Variants in CHAF1A observed in about 807,000 individuals in gnomAD.
CHAF1A encodes CAF-1 subunit A.
A neutral mutation model predicts 93.2 loss-of-function variants in CHAF1A; 5 were observed. The ratio of observed to expected loss-of-function variants is 0.05; its 90% CI spans 0.03 to 0.11. The LOEUF (loss-of-function observed/expected upper bound fraction) is 0.11. Among genes scored for constraint, CHAF1A ranks in the 10% least tolerant of loss-of-function variants. The pLI, the probability that CHAF1A is intolerant of heterozygous loss-of-function variation, is 1.00. For synonymous variants in CHAF1A, 504 were observed against 510.3 expected (o/e 0.99, Z 0.17); for missense variants, 1,102 against 1,259.9 (o/e 0.87, Z 1.90).
downstream of CHAF1A, chr19:4,445,584 CAGCCATGTCCCACGAGA>C (rs1974491778): frequency 3.1e-6 from 5 of 1,613,752 alleles, no homozygotes; most frequent in Non-Finnish European, 4.2e-6. Context: ...TCCTCCAGCA[CAGCCATGTCCCACGAGA>C]AGGTCAGGAG....
At chr19:4,448,414 T>C, downstream of CHAF1A, 1 of 1,604,994 alleles carries the variant, frequency 6.2e-7, no homozygotes, top group Non-Finnish European at 8.5e-7. Context: ...GGTGGAGAAG[T>C]GCTGGGAGGA....
intron 6 of CHAF1A, 73 bp from the exon 7 acceptor site, chr19:4,423,733 C>T (rs1974031314): frequency 2.1e-6 from 3 of 1,416,364 alleles, no homozygotes; most frequent in South Asian, 1.2e-5. Context: ...GTTCTGGGGG[C>T]CTTTGCATGT....
At chr19:4,448,099 C>T, downstream of CHAF1A, 1 of 588,298 alleles carries the variant, frequency 1.7e-6, no homozygotes, top group Admixed American at 3.0e-5. Context: ...ACCCCTGATT[C>T]CTTCAACACC....
intron 7 of CHAF1A, 97 bp downstream of exon 7, chr19:4,423,971 AGGAG>A: frequency 8.5e-7 from 1 of 1,178,432 alleles, no homozygotes; most frequent in Non-Finnish European, 1.3e-6. Flanking sequence ...TTCTCTCATT[AGGAG>A]GGAGGGAGCC....
At chr19:4,427,524 C>T (rs1322522326) in intron 7 of CHAF1A, among the ~76,000 whole-genome samples, 186 of 135,644 alleles carry the variant, frequency 1.4e-3, no homozygotes, top group East Asian at 1.8e-3. Context: ...ACGATTCTCC[C>T]GCCTCAGCCT....
intron 3 of CHAF1A, among the ~76,000 whole-genome samples, chr19:4,411,644 CTTTTTTTTTTTTTT>C (rs66491258): frequency 2.3e-4 from 11 of 48,204 alleles, no homozygotes; most frequent in Non-Finnish European, 3.7e-4. Flanking sequence ...TGGTGCAAAT[CTTTTTTTTTTTTTT>C]TTTTTTTGAG....
At chr19:4,428,542 C>A in intron 7 of CHAF1A, 122 bp from the exon 8 acceptor site, 1 of 820,304 alleles carries the variant, frequency 1.2e-6, no homozygotes, top group Non-Finnish European at 1.9e-6. Context: ...AGTGCCTGGG[C>A]TTTTGAGTCT....
chr19:4,403,783 C>T (rs1332614265), intron 1 of CHAF1A, among the ~76,000 whole-genome samples: 1 of 152,224 alleles, frequency 6.6e-6, no homozygotes, highest in Non-Finnish European at 1.5e-5. Context: ...GTGGGATTTC[C>T]CGGAGACATA....
chr19:4,421,925 C>G (rs1385277981), intron 4 of CHAF1A, among the ~76,000 whole-genome samples: 1 of 152,080 alleles, frequency 6.6e-6, no homozygotes, highest in Non-Finnish European at 1.5e-5. Context: ...TCACTGCACC[C>G]TACGTCTCCT....
At chr19:4,431,728 A>T (rs1216387993) in intron 11 of CHAF1A, among the ~76,000 whole-genome samples, 2 of 152,178 alleles carry the variant, frequency 1.3e-5, no homozygotes, top group Admixed American at 6.5e-5. Context: ...TGAGTTCAGA[A>T]ATATCTGTGA....
rs773536160 is a variant in CHAF1A at position 4,409,639 on chromosome 19, T to A, written c.840T>A (p.Ser280=). The change falls in exon 3 of 15, where the codon TCT becomes TCA. Residue 280 remains serine (S), a synonymous_variant. Coordinates refer to ENST00000301280, the MANE Select transcript of CHAF1A (RefSeq NM_005483.3). ...TGGAATCTTTCCCCGAAGAAGACTCTGTACTCAGCCATTCGTCCCTGAGCT... is the reference window on the plus strand; with the variant it reads ...TGGAATCTTTCCCCGAAGAAGACTCAGTACTCAGCCATTCGTCCCTGAGCT... The part of the protein sequence containing the change: ...EVLESFPEED[S]VLSHSSLSSP... The A allele has an allele frequency of 1.2e-6, 2 of 1,614,080 alleles. No individual in the cohort carries two copies. Among genetic ancestry groups the A allele is most frequent in the East Asian group, 4.5e-5 (2 of 44,896 alleles).
At chr19:4,447,808 T>A, downstream of CHAF1A, 1 of 620,644 alleles carries the variant, frequency 1.6e-6, no homozygotes, top group South Asian at 1.8e-5. Flanking sequence ...GGACACCCCA[T>A]GGAGCCCACC....
chr19:4,436,436 A>G (rs1283913442), intron 13 of CHAF1A, among the ~76,000 whole-genome samples: 7 of 152,300 alleles, frequency 4.6e-5, no homozygotes, highest in African/African-American at 1.7e-4. Context: ...AGCTCAGTGC[A>G]TTGGAGCTGG....
chr19:4,430,012 G>A, intron 10 of CHAF1A: 2 of 520,300 alleles, frequency 3.8e-6, no homozygotes, highest in South Asian at 4.3e-5. Flanking sequence ...CTGGGGATGG[G>A]ATCCCGTCCG....
Position 4,414,689 on chromosome 19 carries a change from TAC to T in CHAF1A, c.961-3329_961-3328del, listed in dbSNP as rs370914227. On this transcript the variant is annotated intron_variant, in intron 3 of 14. Coordinates refer to ENST00000301280, the MANE Select transcript of CHAF1A (RefSeq NM_005483.3). ...CCCATGGTGTGGACATGCTGTAGGTTACAGAGCTGTTTTCTCAGTTCTGCTGT... is the reference window on the plus strand; with the variant it reads ...CCCATGGTGTGGACATGCTGTAGGTTAGAGCTGTTTTCTCAGTTCTGCTGT... Among the ~76,000 whole-genome samples, 70 of 152,338 alleles carry T rather than the reference TAC, an allele frequency of 4.6e-4. 1 individual carries two copies. The South Asian group carries it at 0.014, about 31-fold the overall frequency.
At chr19:4,412,187 A>T (rs528544838) in intron 3 of CHAF1A, among the ~76,000 whole-genome samples, 4 of 152,252 alleles carry the variant, frequency 2.6e-5, no homozygotes, top group Admixed American at 2.6e-4. Context: ...GATCACTTGA[A>T]TTTCTTCCAG....
At chr19:4,448,445 C>A (rs1380925001), downstream of CHAF1A, 2 of 1,569,600 alleles carry the variant, frequency 1.3e-6, no homozygotes, top group East Asian at 2.3e-5. Context: ...GAAAGCCACT[C>A]ACTGAGAGCC....
In CHAF1A at chr19:4,442,967, G is replaced by T; in HGVS notation, c.2813G>T (p.Gly938Val). 4 of 1,605,056 alleles carry T rather than the reference G, an allele frequency of 2.5e-6. No individual in the cohort carries two copies. In the African/African-American group the frequency reaches 4.0e-5, roughly 16 times the overall value. The part of the protein sequence containing the change: ...PCGAASGAGG[G>V]VGVDTGKATL... ...GGAGCCGCTTCCGGAGCTGGGGGTG[G>T]TGTGGGGGTGGACACCGGCAAGGCC... The change falls in exon 15 of 15, where the codon GGT becomes GTT. Residue 938 changes from glycine to valine, a missense_variant. Gly to Val is a moderately radical substitution (Grantham distance 109). Around this residue, in one of 6 missense-constraint regions of CHAF1A, gnomAD observed 119 missense variants for 102.2 expected, o/e 1.16. Transcript: ENST00000301280.
intron 6 of CHAF1A, 37 bp from the exon 7 acceptor site, chr19:4,423,769 C>A: frequency 6.3e-7 from 1 of 1,597,078 alleles, no homozygotes; most frequent in Non-Finnish European, 8.6e-7. Context: ...GTTCCTCTTC[C>A]TCTCCTCTTT....
Sources: gnomAD v4.1 joint callset for allele counts (sites outside exome capture counted in the v4.1 genomes callset) on GRCh38, gnomAD v4.1.1 for gene constraint, gnomAD v4.1.1 regional missense constraint, MANE v1.5 for transcripts, NCBI Gene and HGNC (gene_info 2026-07-23, HGNC 2026-07-21) for gene names.